Variants in POFUT1 observed in about 807,000 individuals in gnomAD.
POFUT1 encodes GDP-fucose protein O-fucosyltransferase 1.
Under a neutral mutation model 42.4 loss-of-function variants are expected in POFUT1, and 16 were observed. The ratio of observed to expected loss-of-function variants is 0.38; its 90% CI spans 0.26 to 0.57. The LOEUF (loss-of-function observed/expected upper bound fraction) is 0.57, where lower values mean the gene tolerates loss of function less well. POFUT1 is among the 20% of genes least tolerant of loss of function. The pLI is 0.71. For missense variants in POFUT1, 470 were observed against 504.6 expected, an observed-to-expected ratio of 0.93 and a Z score of 0.66; for synonymous variants, 206 against 205.4, an observed-to-expected ratio of 1.00 and a Z score of -0.03.
intron 3 of POFUT1, among the ~76,000 whole-genome samples, chr20:32,216,120 G>A (rs2047358777): frequency 6.6e-6 from 1 of 152,222 alleles, no homozygotes; most frequent in Admixed American, 6.5e-5. Flanking sequence ...TTCGGTGTAT[G>A]TGCTAAAGTC....
chr20:32,211,470 C>T (rs2047328506), intron 2 of POFUT1, among the ~76,000 whole-genome samples: 1 of 152,170 alleles, frequency 6.6e-6, no homozygotes, highest in Non-Finnish European at 1.5e-5. Context: ...CAGGGTTTCA[C>T]CATGTTGGCC....
chr20:32,220,623 A>T (rs1208801051), intron 4 of POFUT1, among the ~76,000 whole-genome samples: 1 of 152,130 alleles, frequency 6.6e-6, no homozygotes, highest in African/African-American at 2.4e-5. Context: ...CACACCTGTA[A>T]TCCCAGCTAC....
At position 32,230,877 on chromosome 20, in the gene POFUT1, C is replaced by T. The variant is rs745383992; in HGVS notation, c.794C>T (p.Pro265Leu). 2.3e-5 allele frequency: 37 copies of T among 1,614,016 alleles called. No individual in the cohort carries two copies. Among genetic ancestry groups the T allele is most frequent in the South Asian group, 2.0e-4 (18 of 91,086 alleles). Residue 265 changes from proline (P) to leucine (L), a missense_variant, in exon 6 of 7, where the codon CCG (proline) becomes CTG (leucine). By Grantham distance (98) the Pro-to-Leu change is moderately conservative (BLOSUM62 -3). Transcript: ENST00000375749. ...GTAGSHFMAS[P>L]QCVGYSRSTA... ...GCAGGCTCGCACTTCATGGCCTCTC[C>T]GCAGTGTGTGGGCTACAGCCGCAGC...
chr20:32,213,104 T>A (rs758360117), intron 2 of POFUT1, among the ~76,000 whole-genome samples: 2 of 151,544 alleles, frequency 1.3e-5, no homozygotes, highest in Non-Finnish European at 2.9e-5. Context: ...CAGAGTGGTC[T>A]CCAACTCCTG....
intron 4 of POFUT1, among the ~76,000 whole-genome samples, chr20:32,227,299 T>G (rs1482005704): frequency 6.6e-6 from 1 of 152,154 alleles, no homozygotes; most frequent in East Asian, 1.9e-4. Flanking sequence ...GGCAGATCAC[T>G]TGAGTCCAGG....
At position 32,237,832 on chromosome 20, in the gene POFUT1, C is replaced by T. The variant is rs2047479926; in HGVS notation, c.*3171C>T. On this transcript the variant is annotated 3_prime_UTR_variant, in exon 7 of 7. Transcript: ENST00000375749. ...GCTGGGCTCCCCTAGACTAGGACTC[C>T]AGTGCCCTCCTCTCCCAAGAGACAA... 1.9e-6 allele frequency: 1 copy of T among 534,344 alleles called. No homozygotes were observed. Among genetic ancestry groups the T allele is most frequent in the African/African-American group, 1.9e-5 (1 of 51,948 alleles). The allele number at this position is 534,344 out of a possible 1,614,324, so 33.1% of individuals were successfully genotyped here.
rs940083054 is a variant in POFUT1 at position 32,237,961 on chromosome 20, G to A, written c.*3300G>A. On this transcript the variant is annotated 3_prime_UTR_variant, in exon 7 of 7. Transcript: ENST00000375749. ...CAAATATTTACATAGTTTTAATCAT[G>A]TAATATATACAATTTAATGTCCTAG... 4.8e-6 allele frequency: 2 copies of A among 415,106 alleles called. No homozygotes were observed. Among genetic ancestry groups the A allele is most frequent in the South Asian group, 3.5e-5 (2 of 56,642 alleles). The allele number at this position is 415,106 out of a possible 1,614,324, so 25.7% of individuals were successfully genotyped here.
At position 32,238,441 on chromosome 20, in the gene POFUT1, G is replaced by A. The variant is rs1052760004; in HGVS notation, c.*3780G>A. On this transcript the variant is annotated 3_prime_UTR_variant, in exon 7 of 7. Coordinates refer to ENST00000375749, the MANE Select transcript of POFUT1 (RefSeq NM_015352.2). ...CATGTGCCCCCAATTTTTCACTATT[G>A]TTATTTGAAAAAATATTTTTATTTG... 1 of 151,214 alleles carries A rather than the reference G, an allele frequency of 6.6e-6. No homozygotes were observed. 9.4% of individuals were successfully genotyped at this position (151,214 alleles called of 1,614,324 possible).
rs137998077 is a variant in POFUT1 at position 32,237,020 on chromosome 20, G to A, written c.*2359G>A. On this transcript the variant is annotated 3_prime_UTR_variant, in exon 7 of 7. Coordinates refer to ENST00000375749, the MANE Select transcript of POFUT1 (RefSeq NM_015352.2). ...ACAGAATGCACTTTCTACCCTGTGT[G>A]CCATGGAGACCTCCTATGGAAAAAT... is the stretch of plus-strand genomic sequence containing the variant. The A allele has an allele frequency of 2.1e-4, 32 of 152,332 alleles. No individual in the cohort carries two copies. The highest frequency in any genetic ancestry group is 1.2e-3 in the Admixed American group (18 of 15,298). The allele number at this position is 152,332 out of a possible 1,614,324, so 9.4% of individuals were successfully genotyped here. A position where few individuals can be genotyped will look rare whatever the true frequency, so the allele number is the denominator to read the frequency against.
chr20:32,216,751 TA>T (rs748664567), intron 4 of POFUT1, 30 bp downstream of exon 4: 29 of 1,504,854 alleles, frequency 1.9e-5, no homozygotes, highest in Non-Finnish European at 2.6e-5. Flanking sequence ...TTTCTGGGTT[TA>T]GGGGAGGCGC....
At chr20:32,222,465 C>G (rs566274467) in intron 4 of POFUT1, among the ~76,000 whole-genome samples, 9 of 152,284 alleles carry the variant, frequency 5.9e-5, no homozygotes, top group African/African-American at 2.2e-4. Context: ...TTTTAAGAAG[C>G]CTTCCCGGAA....
chr20:32,228,499 C>T (rs773213354), intron 5 of POFUT1, 44 bp downstream of exon 5: 1 of 1,560,420 alleles, frequency 6.4e-7, no homozygotes, highest in Non-Finnish European at 8.8e-7. Flanking sequence ...TGGATGTGTC[C>T]CTGAGCATGG....
intron 5 of POFUT1, 124 bp from the exon 6 acceptor site, chr20:32,230,694 CA>C (rs35523833): frequency 0.19 from 158,475 of 850,720 alleles, 23 homozygotes; most frequent in South Asian, 0.25. Context: ...GACTCCGTCT[CA>C]AAAAAAAAAA....
intron 4 of POFUT1, chr20:32,217,433 A>G (rs1054611527): frequency 5.9e-6 from 6 of 1,011,926 alleles, no homozygotes; most frequent in Non-Finnish European, 7.1e-6. Flanking sequence ...CGGTCAAAGC[A>G]CTTGGCATTT....
chr20:32,225,720 G>C (rs991015860), intron 4 of POFUT1, among the ~76,000 whole-genome samples: 1 of 151,868 alleles, frequency 6.6e-6, no homozygotes, highest in African/African-American at 2.4e-5. Context: ...GAACTCCTGG[G>C]CTCAAGTGAT....
chr20:32,227,100 A>C (rs2047418301), intron 4 of POFUT1, among the ~76,000 whole-genome samples: 1 of 152,140 alleles, frequency 6.6e-6, no homozygotes, highest in South Asian at 2.1e-4. Context: ...GGAGGGAAGA[A>C]GTATACAGAG....
At position 32,237,376 on chromosome 20, in the gene POFUT1, C is replaced by A; in HGVS notation, c.*2715C>A. On this transcript the variant is annotated 3_prime_UTR_variant, in exon 7 of 7. Coordinates refer to ENST00000375749, the MANE Select transcript of POFUT1 (RefSeq NM_015352.2). Reference sequence around the variant, plus strand: ...TAAAGAAATATAAAGGGTTTGGGAGCAAAAAGAGGGAGTGGATCTATTTTA... The same window carrying A: ...TAAAGAAATATAAAGGGTTTGGGAGAAAAAAGAGGGAGTGGATCTATTTTA... 6.2e-6 allele frequency: 1 copy of A among 161,104 alleles called. No individual in the cohort carries two copies. The highest frequency in any genetic ancestry group is 1.4e-5 in the Non-Finnish European group (1 of 72,614). 10.0% of individuals were successfully genotyped at this position (161,104 alleles called of 1,614,324 possible).
chr20:32,232,735 G>A (rs562116146), intron 6 of POFUT1, among the ~76,000 whole-genome samples: 1 of 151,354 alleles, frequency 6.6e-6, no homozygotes, highest in African/African-American at 2.4e-5. Context: ...GAGTTTTTTT[G>A]TGAGTTTTTG....
At chr20:32,212,238 G>T (rs1337897663) in intron 2 of POFUT1, among the ~76,000 whole-genome samples, 1 of 151,888 alleles carries the variant, frequency 6.6e-6, no homozygotes, top group African/African-American at 2.4e-5. Context: ...CTGTGGCCCA[G>T]ACTCAGACTC....
Sources: allele counts gnomAD v4.1 joint callset (sites outside exome capture counted in the v4.1 genomes callset), GRCh38; gene constraint gnomAD v4.1.1; transcripts MANE v1.5; gene names NCBI Gene and HGNC (gene_info 2026-07-23, HGNC 2026-07-21).